The following VDR variants were observed in gnomAD, a reference collection of about 807,000 sequenced individuals.
The protein encoded by VDR is vitamin D3 receptor.
Under a neutral mutation model 39.7 loss-of-function variants are expected in VDR, and 19 were observed. The ratio of observed to expected loss-of-function variants is 0.48; its 90% confidence interval spans 0.33 to 0.70. VDR has a LOEUF of 0.70. Ranked by LOEUF, VDR falls within the 30% of genes least tolerant of loss-of-function variation. The pLI, the probability that VDR is intolerant of heterozygous loss-of-function variation, is 0.02. For synonymous variants in VDR, 242 were observed against 215.8 expected (o/e 1.12, Z -1.07); for missense variants, 442 against 570.5 (o/e 0.77, Z 2.29).
intron 3 of VDR, among the ~76,000 whole-genome samples, chr12:47,874,814 A>G (rs759858820): frequency 7.2e-5 from 11 of 152,208 alleles, no homozygotes; most frequent in Admixed American, 3.9e-4. Context: ...CTCCGGACGA[A>G]GCCATCCATG....
At chr12:47,871,192 G>T (rs544210105) in intron 3 of VDR, among the ~76,000 whole-genome samples, 6 of 152,094 alleles carry the variant, frequency 3.9e-5, no homozygotes, top group African/African-American at 1.5e-4. Context: ...GTCCATGGGC[G>T]CAATGGTGGT....
chr12:47,873,577 G>T (rs181665806), intron 3 of VDR, among the ~76,000 whole-genome samples: 15,092 of 151,118 alleles, frequency 0.1, 1,001 homozygotes, highest in Admixed American at 0.18. Context: ...TAGCCAGGAT[G>T]GTCTCGATCT....
chr12:47,844,178 CA>C lies in VDR; in HGVS notation c.*567del. 1 of 168,154 alleles carries C rather than the reference CA, an allele frequency of 5.9e-6. No individual in the cohort carries two copies. Among genetic ancestry groups the C allele is most frequent in the East Asian group, 1.6e-4 (1 of 6,400 alleles). The allele number at this position is 168,154 out of a possible 1,614,324, so 10.4% of individuals were successfully genotyped here. A position where few individuals can be genotyped will look rare whatever the true frequency, so the allele number is the denominator to read the frequency against. On this transcript the variant is annotated 3_prime_UTR_variant, in exon 10 of 10. Coordinates refer to ENST00000549336, the MANE Select transcript of VDR (RefSeq NM_000376.3). ...GCAGGTGGGTTCGTGCCTGGTGCTC[CA>C]GTGATGGGAAGAAAACCCACCTCAC...
At chr12:47,900,574 C>T (rs1252874365) in intron 1 of VDR, among the ~76,000 whole-genome samples, 1 of 152,162 alleles carries the variant, frequency 6.6e-6, no homozygotes, top group Non-Finnish European at 1.5e-5. Context: ...CTCACAAGAC[C>T]TAGTGATAGG....
At chr12:47,846,041 T>C (rs2137121450) in intron 9 of VDR, among the ~76,000 whole-genome samples, 1 of 152,116 alleles carries the variant, frequency 6.6e-6, no homozygotes, top group East Asian at 1.9e-4. Flanking sequence ...AGAGCCTGAG[T>C]ATTGGGAATG....
intron 1 of VDR, among the ~76,000 whole-genome samples, chr12:47,885,180 C>T (rs1230992038): frequency 6.6e-6 from 1 of 152,186 alleles, no homozygotes; most frequent in Non-Finnish European, 1.5e-5. Context: ...ACCAAACCCC[C>T]AGCACTAAGC....
rs147141813 is a variant in VDR at position 47,898,669 on chromosome 12, G to A, written c.-84+6286C>T. On this transcript the variant is annotated intron_variant, in intron 1 of 9. Transcript: ENST00000549336. ...CAAATCGTGGTGTATTTTTCCAATGGAATTCTACACAGCAGTGCAAACTCA... is the reference window on the plus strand; with the variant it reads ...CAAATCGTGGTGTATTTTTCCAATGAAATTCTACACAGCAGTGCAAACTCA... The A allele has an allele frequency of 1.9e-3, 300 of 155,114 alleles. 1 individual carries two copies. The highest frequency in any genetic ancestry group is 2.9e-3 in the Non-Finnish European group (197 of 68,250). 9.6% of individuals were successfully genotyped at this position (155,114 alleles called of 1,614,324 possible).
chr12:47,883,747 T>G (rs757894811), intron 1 of VDR, among the ~76,000 whole-genome samples: 2 of 152,200 alleles, frequency 1.3e-5, no homozygotes, highest in Non-Finnish European at 2.9e-5. Context: ...GCTTTTGTCT[T>G]TCTTTGGAGA....
chr12:47,889,162 C>T (rs181626843), intron 1 of VDR, among the ~76,000 whole-genome samples: 13 of 152,080 alleles, frequency 8.5e-5, no homozygotes, highest in Admixed American at 5.9e-4. Context: ...TCAGTCTCTT[C>T]TCAGTCTCCT....
chr12:47,892,116 A>T (rs1946382246), intron 1 of VDR, among the ~76,000 whole-genome samples: 1 of 152,226 alleles, frequency 6.6e-6, no homozygotes, highest in Admixed American at 6.5e-5. Context: ...TGGGAAGGCC[A>T]TTCACTTATC....
chr12:47,867,409 TTGTGTG>T (rs10559544), intron 3 of VDR, among the ~76,000 whole-genome samples: 16 of 150,936 alleles, frequency 1.1e-4, no homozygotes, highest in African/African-American at 2.2e-4. Flanking sequence ...CCTATGTAAG[TTGTGTG>T]TGTGTGTGTG....
intron 3 of VDR, among the ~76,000 whole-genome samples, chr12:47,869,645 A>C (rs774352243): frequency 6.6e-6 from 1 of 151,936 alleles, no homozygotes; most frequent in Non-Finnish European, 1.5e-5. Flanking sequence ...CTGTAAGCCC[A>C]GCACTTTGGG....
intron 3 of VDR, among the ~76,000 whole-genome samples, chr12:47,867,308 T>C (rs999080829): frequency 2.0e-5 from 3 of 152,026 alleles, no homozygotes; most frequent in Non-Finnish European, 4.4e-5. Flanking sequence ...GAGCCGAGAT[T>C]GTGCCACTGC....
intron 3 of VDR, among the ~76,000 whole-genome samples, chr12:47,871,359 C>CTTTCTTTCT (rs1565622836): frequency 9.5e-5 from 3 of 31,734 alleles, no homozygotes; most frequent in African/African-American, 1.2e-4. Flanking sequence ...TCTTTCTTTC[C>CTTTCTTTCT]TTTCTCTCTC....
chr12:47,857,063 A>C, intron 6 of VDR, 66 bp downstream of exon 6: 2 of 1,609,028 alleles, frequency 1.2e-6, no homozygotes, highest in Non-Finnish European at 1.7e-6. Context: ...CAGCAGCCCC[A>C]GGGCAGGTGC....
chr12:47,847,955 A>G (rs1304070807), intron 7 of VDR, among the ~76,000 whole-genome samples: 2 of 152,108 alleles, frequency 1.3e-5, no homozygotes, highest in African/African-American at 2.4e-5. Flanking sequence ...GCTGGAGTGC[A>G]GTGGCGCGAT....
chr12:47,847,948 G>A (rs1056609064), intron 7 of VDR, among the ~76,000 whole-genome samples: 1 of 152,060 alleles, frequency 6.6e-6, no homozygotes, highest in Non-Finnish European at 1.5e-5. Context: ...CGCCCAGGCT[G>A]GAGTGCAGTG....
chr12:47,899,899 G>A (rs886049439), intron 1 of VDR: 6 of 985,546 alleles, frequency 6.1e-6, no homozygotes, highest in Middle Eastern at 5.2e-4. Context: ...GGCCTGGCAT[G>A]AGGCTATCAG....
At chr12:47,873,779 A>G (rs934925132) in intron 3 of VDR, among the ~76,000 whole-genome samples, 7 of 152,282 alleles carry the variant, frequency 4.6e-5, no homozygotes, top group South Asian at 2.1e-4. Context: ...CCATCTCTCA[A>G]TCCAAGCTAG....
Sources: gnomAD v4.1 joint callset for allele counts (sites outside exome capture counted in the v4.1 genomes callset) on GRCh38, gnomAD v4.1.1 for gene constraint, MANE v1.5 for transcripts, NCBI Gene and HGNC (gene_info 2026-07-23, HGNC 2026-07-21) for gene names.